Variants in ROBO1 observed in about 807,000 individuals in gnomAD.
The protein encoded by ROBO1 is roundabout homolog 1.
In ROBO1, 149 loss-of-function variants were observed where a neutral mutation model predicts 195.9. The ratio of observed to expected loss-of-function variants is 0.76; its 90% CI spans 0.67 to 0.87. The LOEUF (loss-of-function observed/expected upper bound fraction) is 0.87, where lower values mean the gene tolerates loss of function less well. Among genes scored for constraint, ROBO1 ranks in the 40% least tolerant of loss-of-function variants. The pLI is 0.00. For missense variants in ROBO1, 1,933 were observed against 2,068.3 expected, an observed-to-expected ratio of 0.93 and a Z score of 1.27; for synonymous variants, 816 against 733.2, an observed-to-expected ratio of 1.11 and a Z score of -1.82.
chr3:78,720,066 G>A (rs1450901696), intron 5 of ROBO1, among the ~76,000 whole-genome samples: 1 of 152,126 alleles, frequency 6.6e-6, no homozygotes, highest in East Asian at 1.9e-4. Flanking sequence ...GCTCAGAAAA[G>A]TATAACCTCT....
chr3:79,576,546 GA>G (rs200237970), intron 2 of ROBO1, among the ~76,000 whole-genome samples: 8 of 150,906 alleles, frequency 5.3e-5, no homozygotes, highest in South Asian at 2.1e-4. Context: ...ACAAAACAAA[GA>G]AAAAAAAATC....
intron 2 of ROBO1, among the ~76,000 whole-genome samples, chr3:79,314,247 T>C (rs1234842910): frequency 1.3e-5 from 2 of 152,196 alleles, no homozygotes; most frequent in Non-Finnish European, 2.9e-5. Flanking sequence ...ATAAAAAACC[T>C]GATGTAAGAC....
intron 3 of ROBO1, among the ~76,000 whole-genome samples, chr3:78,993,220 T>TA (rs2077278068): frequency 6.6e-6 from 1 of 152,184 alleles, no homozygotes; most frequent in South Asian, 2.1e-4. Flanking sequence ...ATGGATATGA[T>TA]AAAAAGATTA....
In ROBO1 at chr3:78,700,099, A is replaced by T. The variant is rs549568935; in HGVS notation, c.1046-11327T>A. ...ATTTTGTTTGCCATTATTTCTCTAG[A>T]ACTTCTCAAGGTGAGGCTGCTACTC... is the stretch of plus-strand genomic sequence containing the variant. On this transcript the variant is annotated intron_variant, in intron 8 of 30. Transcript: ENST00000464233. 4.5e-4 allele frequency among the ~76,000 whole-genome samples: 68 copies of T among 152,282 alleles called. 1 individual carries two copies. The Middle Eastern group carries it at 0.01, about 23-fold the overall frequency.
chr3:79,276,569 T>C (rs1486043625), intron 2 of ROBO1, among the ~76,000 whole-genome samples: 2 of 152,002 alleles, frequency 1.3e-5, no homozygotes, highest in Admixed American at 6.6e-5. Context: ...GGGTAAAAAC[T>C]TCTTAGTAAT....
At chr3:78,717,500 T>A in intron 6 of ROBO1, 87 bp from the exon 7 acceptor site, 1 of 1,211,136 alleles carries the variant, frequency 8.3e-7, no homozygotes, top group Non-Finnish European at 1.2e-6. Flanking sequence ...AGCATATTTT[T>A]AATTTAAAAT....
intron 8 of ROBO1, among the ~76,000 whole-genome samples, chr3:78,712,845 A>G (rs2081797591): frequency 6.6e-6 from 1 of 152,228 alleles, no homozygotes; most frequent in Admixed American, 6.5e-5. Flanking sequence ...TATACACAGT[A>G]GAATAGCTGT....
At chr3:79,302,657 T>C (rs775904461) in intron 2 of ROBO1, among the ~76,000 whole-genome samples, 17 of 152,200 alleles carry the variant, frequency 1.1e-4, no homozygotes, top group Non-Finnish European at 2.1e-4. Context: ...GTTTTAAAAT[T>C]AGAAATATTG....
chr3:79,500,478 T>A (rs1940010497), intron 2 of ROBO1, among the ~76,000 whole-genome samples: 2 of 152,270 alleles, frequency 1.3e-5, no homozygotes, highest in Admixed American at 1.3e-4. Flanking sequence ...AGCTCCATTG[T>A]TGTTGATGTC....
At chr3:79,523,086 AAAC>A in intron 2 of ROBO1, among the ~76,000 whole-genome samples, 1 of 152,120 alleles carries the variant, frequency 6.6e-6, no homozygotes, top group Non-Finnish European at 1.5e-5. Flanking sequence ...GTTGTTTTAA[AAAC>A]AAATTATCTG....
chr3:79,437,131 G>A (rs1201408512), intron 2 of ROBO1, among the ~76,000 whole-genome samples: 1 of 152,022 alleles, frequency 6.6e-6, no homozygotes, highest in East Asian at 1.9e-4. Flanking sequence ...ACTGCTAATA[G>A]AAGTATTGAG....
At chr3:79,378,505 T>A (rs1345387873) in intron 2 of ROBO1, among the ~76,000 whole-genome samples, 3 of 152,220 alleles carry the variant, frequency 2.0e-5, no homozygotes, top group African/African-American at 7.2e-5. Context: ...GTAGAATCCA[T>A]GACTGCTTCA....
chr3:79,339,347 C>T lies in ROBO1; in HGVS notation c.89-213808G>A, dbSNP rs144168564. ...TAAGAGCCTGCTTGATCTTCCTCAT[C>T]CCTCTTACTTCTCTGGCTTTGTGTG... On this transcript the variant is annotated intron_variant, in intron 2 of 30. Transcript: ENST00000464233. 5.2e-3 allele frequency among the ~76,000 whole-genome samples: 793 copies of T among 152,262 alleles called. 6 individuals carry two copies. The highest frequency in any genetic ancestry group is 0.017 in the African/African-American group (723 of 41,564).
At chr3:79,524,181 G>A (rs1486624388) in intron 2 of ROBO1, among the ~76,000 whole-genome samples, 2 of 150,316 alleles carry the variant, frequency 1.3e-5, no homozygotes, top group Admixed American at 6.7e-5. Flanking sequence ...GTGTGTGTGT[G>A]TGTGTGACAG....
chr3:79,335,150 C>A (rs968405834), intron 2 of ROBO1, among the ~76,000 whole-genome samples: 34 of 152,004 alleles, frequency 2.2e-4, no homozygotes, highest in Non-Finnish European at 4.1e-4. Context: ...TGGAAAATAA[C>A]AGAAAACATT....
intron 1 of ROBO1, among the ~76,000 whole-genome samples, chr3:79,603,477 C>G: frequency 6.6e-6 from 1 of 152,050 alleles, no homozygotes; most frequent in Admixed American, 6.6e-5. Context: ...TATCCTCTAT[C>G]CTGAGATGTG....
chr3:79,315,801 A>C (rs73122596), intron 2 of ROBO1, among the ~76,000 whole-genome samples: 15,022 of 152,260 alleles, frequency 0.099, 811 homozygotes, highest in Middle Eastern at 0.14. Context: ...AACTGCCAAC[A>C]TACACATAGA....
intron 2 of ROBO1, among the ~76,000 whole-genome samples, chr3:79,277,552 T>C (rs1414190689): frequency 1.3e-5 from 2 of 152,060 alleles, no homozygotes; most frequent in Non-Finnish European, 2.9e-5. Context: ...AAATAAGATC[T>C]AGCATTTGAA....
chr3:79,095,989 TTTTTG>T (rs2079559096), intron 3 of ROBO1, among the ~76,000 whole-genome samples: 1 of 152,054 alleles, frequency 6.6e-6, no homozygotes, highest in Non-Finnish European at 1.5e-5. Context: ...ATACTTTCTG[TTTTTG>T]TTTTCTTTTA....
Sources: gnomAD v4.1 joint callset for allele counts (sites outside exome capture counted in the v4.1 genomes callset) on GRCh38, gnomAD v4.1.1 for gene constraint, MANE v1.5 for transcripts, NCBI Gene and HGNC (gene_info 2026-07-23, HGNC 2026-07-21) for gene names.